ABCB1: variants seen among roughly 807,000 people sequenced by gnomAD.
ABCB1 encodes the protein ATP binding cassette subfamily B member 1.
A neutral mutation model predicts 142.0 loss-of-function variants in ABCB1; 69 were observed. That is an observed-to-expected ratio of 0.49 (90% confidence interval 0.40 to 0.59). The LOEUF (loss-of-function observed/expected upper bound fraction) is 0.59, where lower values mean the gene tolerates loss of function less well. ABCB1 is among the 20% of genes least tolerant of loss of function. ABCB1 has a pLI of 0.00. For missense variants in ABCB1, 1,326 were observed against 1,554.7 expected, an observed-to-expected ratio of 0.85 and a Z score of 2.47; for synonymous variants, 532 against 539.2, an observed-to-expected ratio of 0.99 and a Z score of 0.18.
intron 1 of ABCB1, among the ~76,000 whole-genome samples, chr7:87,676,069 G>A (rs1002664038): frequency 6.6e-6 from 1 of 151,782 alleles, no homozygotes; most frequent in African/African-American, 2.4e-5. Flanking sequence ...TCTACAAAAA[G>A]TTAAAAAATT....
intron 21 of ABCB1, among the ~76,000 whole-genome samples, chr7:87,524,281 G>A (rs1413597090): frequency 6.6e-6 from 1 of 152,080 alleles, no homozygotes; most frequent in African/African-American, 2.4e-5. Flanking sequence ...AAGATACTTA[G>A]AAAATTAGGA....
At chr7:87,643,228 A>G (rs531211459) in intron 1 of ABCB1, among the ~76,000 whole-genome samples, 24 of 151,876 alleles carry the variant, frequency 1.6e-4, no homozygotes, top group Admixed American at 4.6e-4. Context: ...CTTTATTTTT[A>G]AGTTGATTTT....
chr7:87,513,425 C>T (rs1815104829), intron 25 of ABCB1, among the ~76,000 whole-genome samples: 1 of 152,000 alleles, frequency 6.6e-6, no homozygotes, highest in Non-Finnish European at 1.5e-5. Flanking sequence ...TTAATTATTC[C>T]TTATTGTATC....
intron 1 of ABCB1, among the ~76,000 whole-genome samples, chr7:87,696,504 C>T (rs1828506530): frequency 6.6e-6 from 1 of 152,012 alleles, no homozygotes; most frequent in African/African-American, 2.4e-5. Context: ...TCTGTAGATG[C>T]AGAAATTAAT....
chr7:87,712,371 T>G (rs950217494), intron 1 of ABCB1, among the ~76,000 whole-genome samples: 1 of 152,066 alleles, frequency 6.6e-6, no homozygotes, highest in African/African-American at 2.4e-5. Flanking sequence ...TGATAAGCAT[T>G]GAGGATACTA....
At position 87,566,983 on chromosome 7, in the gene ABCB1, A is replaced by G; in HGVS notation, c.339-7T>C. The G allele has an allele frequency of 6.2e-7, 1 of 1,613,308 alleles. No homozygotes were observed. The highest frequency in any genetic ancestry group is 8.5e-7 in the Non-Finnish European group (1 of 1,179,254). ...ACTGTAATAATAGGCATACCTGAAA[A>G]ACAACAAGAACACTGCACATGCTCT... On this transcript the variant is annotated splice_region_variant and splice_polypyrimidine_tract_variant and intron_variant, in intron 5 of 27. Transcript: ENST00000622132.
At chr7:87,508,294 A>G (rs2117064170) in intron 26 of ABCB1, among the ~76,000 whole-genome samples, 1 of 152,330 alleles carries the variant, frequency 6.6e-6, no homozygotes, top group South Asian at 2.1e-4. Flanking sequence ...TCACAGTCAA[A>G]ACACAGTCAA....
chr7:87,531,650 T>C lies in ABCB1; in HGVS notation c.2482-153A>G, dbSNP rs1584853485. 11 of 689,838 alleles carry C rather than the reference T, an allele frequency of 1.6e-5. No individual in the cohort carries two copies. The East Asian group carries it at 3.0e-4, about 19-fold the overall frequency. The allele number at this position is 689,838 out of a possible 1,614,324, so 42.7% of individuals were successfully genotyped here. On this transcript the variant is annotated intron_variant, in intron 20 of 27. Transcript: ENST00000622132. ...GGTCTACTTGTAAGTTTATTGAGTT[T>C]CTACAGTAAGAATTTCCATGACTTC...
At chr7:87,574,471 G>A (rs1818191852) in intron 4 of ABCB1, among the ~76,000 whole-genome samples, 1 of 152,090 alleles carries the variant, frequency 6.6e-6, no homozygotes, top group South Asian at 2.1e-4. Context: ...TGCACACTTG[G>A]ATTCTGGAAT....
intron 1 of ABCB1, among the ~76,000 whole-genome samples, chr7:87,691,621 T>TA (rs1282845027): frequency 2.6e-5 from 4 of 152,200 alleles, no homozygotes; most frequent in Non-Finnish European, 4.4e-5. Context: ...AGCTTTGTCA[T>TA]ACGCTTGTTT....
chr7:87,635,243 A>G (rs759273338), intron 1 of ABCB1, among the ~76,000 whole-genome samples: 4 of 152,184 alleles, frequency 2.6e-5, no homozygotes, highest in Non-Finnish European at 5.9e-5. Context: ...ACACTCTTCT[A>G]TCCCCAACTG....
At chr7:87,576,165 T>A (rs1240878496) in intron 4 of ABCB1, among the ~76,000 whole-genome samples, 1 of 152,134 alleles carries the variant, frequency 6.6e-6, no homozygotes, top group Non-Finnish European at 1.5e-5. Context: ...GATCTTTTTT[T>A]TTTTTGCTGT....
At chr7:87,579,526 C>T (rs919751684) in intron 4 of ABCB1, among the ~76,000 whole-genome samples, 7 of 152,196 alleles carry the variant, frequency 4.6e-5, no homozygotes, top group Non-Finnish European at 7.4e-5. Context: ...AGTTTGCATA[C>T]GATGAACAAT....
At chr7:87,659,128 A>G (rs905161273) in intron 1 of ABCB1, 2 of 335,254 alleles carry the variant, frequency 6.0e-6, no homozygotes, top group Non-Finnish European at 1.2e-5. Flanking sequence ...TGCCACTGCA[A>G]TCTAGCCTGG....
At chr7:87,633,151 A>G (rs1821395580) in intron 1 of ABCB1, among the ~76,000 whole-genome samples, 1 of 152,216 alleles carries the variant, frequency 6.6e-6, no homozygotes, top group African/African-American at 2.4e-5. Context: ...TTATATTTTT[A>G]TACATAACTA....
chr7:87,508,012 A>C (rs1814824365), intron 26 of ABCB1, among the ~76,000 whole-genome samples: 1 of 151,770 alleles, frequency 6.6e-6, no homozygotes, highest in Admixed American at 6.6e-5. Flanking sequence ...TAAGTGTTGA[A>C]AAACTACCTA....
intron 3 of ABCB1, among the ~76,000 whole-genome samples, chr7:87,589,620 C>T (rs1413964040): frequency 6.6e-6 from 1 of 151,846 alleles, no homozygotes; most frequent in Non-Finnish European, 1.5e-5. Context: ...CCTCTCTCTA[C>T]AAAAAAATTT....
intron 1 of ABCB1, among the ~76,000 whole-genome samples, chr7:87,616,367 A>AG (rs1820032513): frequency 6.6e-6 from 1 of 152,226 alleles, no homozygotes; most frequent in African/African-American, 2.4e-5. Context: ...ACTATGAAGA[A>AG]GGGGAAATAT....
rs1050959399 is a variant in ABCB1, at chr7:87,552,926, C to T, written c.999+835G>A. Among the ~76,000 whole-genome samples the T allele has an allele frequency of 2.0e-5, 3 of 152,016 alleles. No individual in the cohort carries two copies. The East Asian group carries it at 5.8e-4, about 29-fold the overall frequency. ...TTTGGTTTGCAAATTATTTCATTGTCTTTAAAATAAAAGAGGATAACATTA... is the reference window on the plus strand; with the variant it reads ...TTTGGTTTGCAAATTATTTCATTGTTTTTAAAATAAAAGAGGATAACATTA... On this transcript the variant is annotated intron_variant, in intron 9 of 27. Coordinates refer to ENST00000622132, the MANE Select transcript of ABCB1 (RefSeq NM_001348946.2).
Sources: gnomAD v4.1 joint callset for allele counts (sites outside exome capture counted in the v4.1 genomes callset) on GRCh38, gnomAD v4.1.1 for gene constraint, MANE v1.5 for transcripts, NCBI Gene and HGNC (gene_info 2026-07-23, HGNC 2026-07-21) for gene names.